Variants in MSANTD7 observed in about 807,000 individuals in gnomAD.
The protein encoded by MSANTD7 is Myb/SANT DNA binding domain containing 7, also known as zinc finger and SCAN domain containing 29.
chr10:14,845,643 G>C, the MSANTD7 span: 2 of 628,680 alleles, frequency 3.2e-6, no homozygotes, highest in East Asian at 2.8e-4. Flanking sequence ...GCCCAGGCTG[G>C]GGTGCAGTGG....
the MSANTD7 span, among the ~76,000 whole-genome samples, chr10:14,840,456 C>A: frequency 6.6e-6 from 1 of 152,072 alleles, no homozygotes; most frequent in African/African-American, 2.4e-5. Flanking sequence ...GAGAGGATTT[C>A]AAAGATTTTG....
At chr10:14,842,550 A>G in the MSANTD7 span, 1 of 1,536,148 alleles carries the variant, frequency 6.5e-7, no homozygotes, top group African/African-American at 1.4e-5. This position sits in a 1 kb window ranked among gnomAD's most constrained non-coding sequence, Gnocchi z 5.2. Context: ...GAGCCACCAC[A>G]CTGTCCATTT....
At chr10:14,839,244 A>G in the MSANTD7 span, among the ~76,000 whole-genome samples, 1 of 152,312 alleles carries the variant, frequency 6.6e-6, no homozygotes, top group Non-Finnish European at 1.5e-5. Flanking sequence ...TTGTTAGGAA[A>G]AGCCAAAGGG....
chr10:14,843,077 G>A, the MSANTD7 span, among the ~76,000 whole-genome samples: 7 of 152,184 alleles, frequency 4.6e-5, no homozygotes, highest in Non-Finnish European at 8.8e-5. Flanking sequence ...GTGCTCTCTA[G>A]AACCAAACTA....
chr10:14,839,157 C>G, the MSANTD7 span, among the ~76,000 whole-genome samples: 1 of 152,196 alleles, frequency 6.6e-6, no homozygotes, highest in Non-Finnish European at 1.5e-5. Context: ...TGGCCTTTCT[C>G]TCATCAGTGG....
chr10:14,842,740 C>T, the MSANTD7 span: 17 of 1,536,578 alleles, frequency 1.1e-5, no homozygotes, highest in Non-Finnish European at 1.5e-5. This position sits in a 1 kb window ranked among gnomAD's most constrained non-coding sequence, Gnocchi z 5.2. Flanking sequence ...ATCAGCCTAT[C>T]TTGAAAACAG....
chr10:14,838,837 G>A, the MSANTD7 span, among the ~76,000 whole-genome samples: 2 of 152,104 alleles, frequency 1.3e-5, no homozygotes, highest in Non-Finnish European at 2.9e-5. Flanking sequence ...GCATTTTGGG[G>A]GAGGTCACGG....
the MSANTD7 span, chr10:14,839,947 G>C: frequency 1.2e-6 from 2 of 1,612,708 alleles, no homozygotes; most frequent in Non-Finnish European, 1.7e-6. Flanking sequence ...CGGTGACCGA[G>C]TTACTCCAGC....
At chr10:14,845,928 C>A in the MSANTD7 span, 9 of 728,594 alleles carry the variant, frequency 1.2e-5, no homozygotes, top group Non-Finnish European at 1.5e-5. Context: ...TTTCCTAGTA[C>A]CTTCCAGCTC....
the MSANTD7 span, chr10:14,846,502 A>G: frequency 1.0e-6 from 1 of 985,356 alleles, no homozygotes. Flanking sequence ...GGGGAGGGAA[A>G]TTGGAATACA....
At chr10:14,841,491 G>A in the MSANTD7 span, among the ~76,000 whole-genome samples, 20 of 152,172 alleles carry the variant, frequency 1.3e-4, 1 homozygote, top group East Asian at 3.5e-3. Context: ...ACCTCTCCCC[G>A]TGGTTATATC....
chr10:14,842,764 TGAG>T, the MSANTD7 span: 1 of 1,536,500 alleles, frequency 6.5e-7, no homozygotes, highest in Non-Finnish European at 8.7e-7. This position sits in a 1 kb window ranked among gnomAD's most constrained non-coding sequence, Gnocchi z 5.2. Context: ...AGGCATCAGA[TGAG>T]GATTGTCAGC....
chr10:14,844,120 C>A, the MSANTD7 span: 2 of 1,360,962 alleles, frequency 1.5e-6, no homozygotes, highest in Non-Finnish European at 1.9e-6. Context: ...ACGATGGAGC[C>A]ACGTTCTAGA....
At chr10:14,840,737 T>C in the MSANTD7 span, among the ~76,000 whole-genome samples, 4 of 152,354 alleles carry the variant, frequency 2.6e-5, no homozygotes, top group African/African-American at 7.2e-5. Flanking sequence ...CCTCAAATTA[T>C]AGATTGCTAT....
chr10:14,838,490 C>T, the MSANTD7 span: 4 of 1,567,214 alleles, frequency 2.6e-6, no homozygotes, highest in East Asian at 2.3e-5. Context: ...GCTAGGGCTT[C>T]ATGACGGCCA....
chr10:14,844,442 G>A, the MSANTD7 span: 2 of 991,840 alleles, frequency 2.0e-6, no homozygotes, highest in Non-Finnish European at 2.4e-6. Context: ...CTGCTTCATG[G>A]AGTTTGAAAT....
At chr10:14,838,624 G>A in the MSANTD7 span, 2 of 636,736 alleles carry the variant, frequency 3.1e-6, no homozygotes, top group Non-Finnish European at 5.1e-6. Context: ...GCCCGGCCTC[G>A]CGCCTGGCGA....
the MSANTD7 span, among the ~76,000 whole-genome samples, chr10:14,839,050 G>T: frequency 1.7e-4 from 26 of 152,220 alleles, no homozygotes; most frequent in African/African-American, 5.8e-4. Context: ...TCGAGCTGGG[G>T]CTGATGGTCC....
chr10:14,841,688 A>T, the MSANTD7 span, among the ~76,000 whole-genome samples: 1 of 152,188 alleles, frequency 6.6e-6, no homozygotes, highest in Non-Finnish European at 1.5e-5. Context: ...CAAAAAAAAA[A>T]TTTGTATTAG....
Sources: gnomAD v4.1 joint callset for allele counts (sites outside exome capture counted in the v4.1 genomes callset) on GRCh38, gnomAD v4.1.1 for gene constraint, Gnocchi (gnomAD v3.1) non-coding constraint, MANE v1.5 for transcripts, NCBI Gene and HGNC (gene_info 2026-07-23, HGNC 2026-07-21) for gene names.